Variants in MAGI3 observed in about 807,000 individuals in gnomAD.
The protein encoded by MAGI3 is membrane-associated guanylate kinase, WW and PDZ domain-containing protein 3.
MAGI3 carries 43 observed loss-of-function variants against 121.8 expected under a neutral mutation model. The observed-to-expected ratio is 0.35, with a 90% confidence interval of 0.28 to 0.46. MAGI3 has a LOEUF of 0.46. Among genes scored for constraint, MAGI3 ranks in the 20% least tolerant of loss-of-function variants. The probability of loss-of-function intolerance (pLI) is 1.00; values close to 1 mark genes in which losing one functional copy is unlikely to be tolerated. For missense variants in MAGI3, 1,547 were observed against 1,797.3 expected, an observed-to-expected ratio of 0.86 and a Z score of 2.52; for synonymous variants, 553 against 639.3, an observed-to-expected ratio of 0.86 and a Z score of 2.04.
At chr1:113,569,779 A>C (rs1251691306) in intron 2 of MAGI3, among the ~76,000 whole-genome samples, 1 of 152,198 alleles carries the variant, frequency 6.6e-6, no homozygotes, top group African/African-American at 2.4e-5. Flanking sequence ...TTTCTTTCTT[A>C]GAGATAAAAT....
intron 1 of MAGI3, among the ~76,000 whole-genome samples, chr1:113,543,886 T>A (rs1435563917): frequency 6.7e-6 from 1 of 150,202 alleles, no homozygotes; most frequent in African/African-American, 2.4e-5. Flanking sequence ...AAAAAAAAAA[T>A]TTAAACTGAT....
rs1191780192 is a variant in MAGI3 at position 113,391,723 on chromosome 1, G to C, written c.316+374G>C. On this transcript the variant is annotated intron_variant, in intron 1 of 20. Coordinates refer to ENST00000307546, the MANE Select transcript of MAGI3 (RefSeq NM_001142782.2). This position sits in a 1 kb window ranked among gnomAD's most constrained non-coding sequence, Gnocchi z 4.4. ...AGGATTGTAACATTTTCTTTGGAAC[G>C]ATCTTACGCATCTTCTAACAGGGAA... Among the ~76,000 whole-genome samples the C allele has an allele frequency of 6.6e-6, 1 of 152,162 alleles. No homozygotes were observed. Among genetic ancestry groups the C allele is most frequent in the African/African-American group, 2.4e-5 (1 of 41,438 alleles).
chr1:113,551,760 C>T (rs1570847502), intron 2 of MAGI3, among the ~76,000 whole-genome samples: 1 of 151,704 alleles, frequency 6.6e-6, no homozygotes, highest in African/African-American at 2.4e-5. Context: ...CATATATAAG[C>T]CTTTTGTATG....
At chr1:113,551,744 A>G (rs1390939394) in intron 2 of MAGI3, among the ~76,000 whole-genome samples, 1 of 151,898 alleles carries the variant, frequency 6.6e-6, no homozygotes, top group Non-Finnish European at 1.5e-5. Context: ...TGGTTTTTAT[A>G]TTTACCATAT....
intron 2 of MAGI3, among the ~76,000 whole-genome samples, chr1:113,559,645 G>T (rs1660142617): frequency 6.6e-6 from 1 of 151,538 alleles, no homozygotes; most frequent in South Asian, 2.1e-4. Flanking sequence ...TTGGCTCACT[G>T]CAGCCTCCGC....
rs1257258940 is a variant in MAGI3, at chr1:113,649,225, G to A, written c.2156-12G>A. 1 of 1,598,462 alleles carries A rather than the reference G, an allele frequency of 6.3e-7. No homozygotes were observed. Among genetic ancestry groups the A allele is most frequent in the Non-Finnish European group, 8.5e-7 (1 of 1,172,642 alleles). On this transcript the variant is annotated splice_polypyrimidine_tract_variant and intron_variant, in intron 12 of 20. Transcript: ENST00000307546. ...ATAAATCATAGTATTTATATTTTCT[G>A]ATTTTCCTCAGCACCAAACACCAAA...
intron 1 of MAGI3, among the ~76,000 whole-genome samples, chr1:113,420,327 A>G (rs1309652341): frequency 2.0e-5 from 3 of 152,220 alleles, no homozygotes; most frequent in Admixed American, 2.0e-4. Flanking sequence ...CCCTGCCTTA[A>G]GGAATTCAAC....
intron 1 of MAGI3, among the ~76,000 whole-genome samples, chr1:113,505,051 A>G (rs1657244685): frequency 6.6e-6 from 1 of 152,046 alleles, no homozygotes; most frequent in African/African-American, 2.4e-5. Context: ...GCAGGGCAGT[A>G]TGTAGCAAAA....
chr1:113,416,287 T>C (rs200004756), intron 1 of MAGI3, among the ~76,000 whole-genome samples: 1 of 82,314 alleles, frequency 1.2e-5, no homozygotes, highest in Non-Finnish European at 2.6e-5. Context: ...TTACACATAT[T>C]AATTATGTAA....
intron 1 of MAGI3, among the ~76,000 whole-genome samples, chr1:113,477,318 G>C (rs541179458): frequency 6.6e-6 from 1 of 152,236 alleles, no homozygotes; most frequent in Non-Finnish European, 1.5e-5. Context: ...TTTCTTTATA[G>C]CATCGATGGT....
chr1:113,555,462 C>T (rs1432053452), intron 2 of MAGI3, among the ~76,000 whole-genome samples: 1 of 152,098 alleles, frequency 6.6e-6, no homozygotes, highest in Non-Finnish European at 1.5e-5. Context: ...TTTCAACCAG[C>T]TTGGCCGAGT....
intron 16 of MAGI3, among the ~76,000 whole-genome samples, chr1:113,670,545 T>C (rs896889436): frequency 6.6e-6 from 1 of 152,208 alleles, no homozygotes; most frequent in South Asian, 2.1e-4. Flanking sequence ...AAGTACCCTC[T>C]ACATTTAACA....
intron 1 of MAGI3, among the ~76,000 whole-genome samples, chr1:113,417,286 A>C (rs116340499): frequency 1.3e-5 from 2 of 152,168 alleles, no homozygotes; most frequent in African/African-American, 4.8e-5. Context: ...TTGAGAATGC[A>C]ATTTCACCTT....
At chr1:113,526,509 G>A (rs1658461027) in intron 1 of MAGI3, among the ~76,000 whole-genome samples, 2 of 152,220 alleles carry the variant, frequency 1.3e-5, no homozygotes, top group South Asian at 2.1e-4. Context: ...CAGAATGACG[G>A]TGGGTATGCA....
At position 113,641,968 on chromosome 1, in the gene MAGI3, T is replaced by G; in HGVS notation, c.1418T>G (p.Val473Gly). 1 of 1,612,772 alleles carries G rather than the reference T, an allele frequency of 6.2e-7. No individual in the cohort carries two copies. Among genetic ancestry groups the G allele is most frequent in the South Asian group, 1.1e-5 (1 of 91,042 alleles). ...NCVLGHTHAD[V>G]VQMFQLVPVN... ...GTCCTCGGTCACACTCATGCAGATGTTGTCCAGATGTTTCAATTGGTACCT... is the reference window on the plus strand; with the variant it reads ...GTCCTCGGTCACACTCATGCAGATGGTGTCCAGATGTTTCAATTGGTACCT... The change falls in exon 10 of 21, where the codon GTT (valine) becomes GGT (glycine). Residue 473 changes from valine (V) to glycine (G), a missense_variant. Transcript: ENST00000307546.
chr1:113,601,923 G>A (rs923898284), intron 6 of MAGI3, among the ~76,000 whole-genome samples: 1 of 150,360 alleles, frequency 6.7e-6, no homozygotes, highest in Non-Finnish European at 1.5e-5. Context: ...TCCTTTGTAG[G>A]GACATGGATG....
chr1:113,622,942 G>GA lies in MAGI3; in HGVS notation c.1313dup (p.Asn438LysfsTer61), dbSNP rs1313210100. 6.4e-7 allele frequency: 1 copy of GA among 1,572,284 alleles called. No individual in the cohort carries two copies. The highest frequency in any genetic ancestry group is 8.6e-7 in the Non-Finnish European group (1 of 1,166,398). On this transcript the variant is annotated frameshift_variant, in exon 9 of 21. Coordinates refer to ENST00000307546, the MANE Select transcript of MAGI3 (RefSeq NM_001142782.2). LOFTEE classifies it high-confidence loss of function. The stretch of plus-strand genomic sequence containing the variant: ...ATAGACCTGATGAGTTCCTACAAGT[G>GA]AAAAATGTGCTGAAAGATGGTCCCG...
intron 19 of MAGI3, among the ~76,000 whole-genome samples, chr1:113,678,443 GT>G (rs1648012166): frequency 6.6e-6 from 1 of 152,006 alleles, no homozygotes; most frequent in Non-Finnish European, 1.5e-5. Context: ...TCTTACTTTG[GT>G]TTTATTAAGG....
At chr1:113,612,167 C>G (rs1650194184) in intron 6 of MAGI3, among the ~76,000 whole-genome samples, 1 of 152,074 alleles carries the variant, frequency 6.6e-6, no homozygotes. Flanking sequence ...TGGTCTCGAT[C>G]TCTTGACCTC....
Sources: gnomAD v4.1 joint callset for allele counts (sites outside exome capture counted in the v4.1 genomes callset) on GRCh38, gnomAD v4.1.1 for gene constraint, Gnocchi (gnomAD v3.1) non-coding constraint, MANE v1.5 for transcripts, NCBI Gene and HGNC (gene_info 2026-07-23, HGNC 2026-07-21) for gene names.